AP4S1: variants seen among roughly 807,000 people sequenced by gnomAD.
The protein encoded by AP4S1 is AP-4 complex subunit sigma-1.
A neutral mutation model predicts 19.8 loss-of-function variants in AP4S1; 23 were observed. That is an observed-to-expected ratio of 1.16 (90% confidence interval 0.84 to 1.65). The LOEUF is 1.65. Ranked by LOEUF, AP4S1 falls within the 40% of genes most tolerant of loss-of-function variation. The pLI, the probability that AP4S1 is intolerant of heterozygous loss-of-function variation, is 0.00. For synonymous variants in AP4S1, 46 were observed against 54.1 expected, an observed-to-expected ratio of 0.85 and a Z score of 0.66; for missense variants, 166 against 172.8, an observed-to-expected ratio of 0.96 and a Z score of 0.22.
rs191875127 is a variant in AP4S1 at position 31,048,600 on chromosome 14, G to T, written c.-71-17526G>T. Among the ~76,000 whole-genome samples, 356 of 152,094 alleles carry T rather than the reference G, an allele frequency of 2.3e-3. 3 individuals are homozygous for T. The highest frequency in any genetic ancestry group is 8.2e-3 in the African/African-American group (341 of 41,502). ...CCAAAAATACAAAAATTAGCTGGGC[G>T]TGGTGGCACATTCCCGTAATCCCAG... On this transcript the variant is annotated intron_variant, in intron 1 of 5. Transcript: ENST00000542754.
chr14:31,025,921 C>G (rs1388650505), intron 1 of AP4S1, 134 bp downstream of exon 1: 2 of 1,601,208 alleles, frequency 1.2e-6, no homozygotes, highest in South Asian at 1.1e-5. Flanking sequence ...TCGGCCCGTT[C>G]CACCTCCCAG....
chr14:31,090,684 T>G (rs1888053478), intron 5 of AP4S1, among the ~76,000 whole-genome samples: 1 of 152,242 alleles, frequency 6.6e-6, no homozygotes, highest in South Asian at 2.1e-4. Context: ...AGGGTATTTT[T>G]TGGTCCCTGC....
chr14:31,033,472 A>G (rs1023028061), intron 1 of AP4S1, among the ~76,000 whole-genome samples: 1 of 152,174 alleles, frequency 6.6e-6, no homozygotes, highest in Admixed American at 6.5e-5. Context: ...TCAGCCTCCC[A>G]AAGTGCTGGG....
intron 1 of AP4S1, among the ~76,000 whole-genome samples, chr14:31,042,424 C>CT (rs1745953099): frequency 6.6e-6 from 1 of 152,118 alleles, no homozygotes; most frequent in Non-Finnish European, 1.5e-5. Flanking sequence ...CACTTTATAT[C>CT]TTTTTAAACT....
rs963132192 is a variant in AP4S1, at chr14:31,096,001, C to T, written c.*2966C>T. 6.8e-6 allele frequency: 1 copy of T among 146,944 alleles called. No homozygotes were observed. The highest frequency in any genetic ancestry group is 1.5e-5 in the Non-Finnish European group (1 of 67,366). 9.1% of individuals were successfully genotyped at this position (146,944 alleles called of 1,614,324 possible). ...TTGGGAGGCTGTGGTAGGAGGATCA[C>T]TTGAACCCAGGAGACAGAGGTTGCA... is the stretch of plus-strand genomic sequence containing the variant. On this transcript the variant is annotated 3_prime_UTR_variant, in exon 6 of 6. Coordinates refer to ENST00000542754, the MANE Select transcript of AP4S1 (RefSeq NM_001128126.3).
intron 1 of AP4S1, among the ~76,000 whole-genome samples, chr14:31,033,450 G>A (rs1884531418): frequency 6.6e-6 from 1 of 151,962 alleles, no homozygotes; most frequent in South Asian, 2.1e-4. Context: ...CTGACCTTGT[G>A]ATCCACCCGC....
chr14:31,080,482 G>C (rs1223602084), intron 4 of AP4S1, 91 bp from the exon 5 acceptor site: 7 of 1,088,684 alleles, frequency 6.4e-6, no homozygotes, highest in Non-Finnish European at 9.8e-6. Flanking sequence ...CCGCTGCTAT[G>C]GACGCAGAAG....
intron 1 of AP4S1, among the ~76,000 whole-genome samples, chr14:31,036,373 G>A (rs925473946): frequency 2.6e-5 from 4 of 151,830 alleles, no homozygotes; most frequent in South Asian, 2.1e-4. Flanking sequence ...GTGAGCCACC[G>A]TACCTGGCCC....
At chr14:31,087,618 GTGT>G (rs1183665312) in intron 5 of AP4S1, among the ~76,000 whole-genome samples, 1 of 152,208 alleles carries the variant, frequency 6.6e-6, no homozygotes, top group Non-Finnish European at 1.5e-5. Context: ...GCCTCCCAAA[GTGT>G]TGGGATTACA....
chr14:31,045,998 C>T (rs1885380407), intron 1 of AP4S1, among the ~76,000 whole-genome samples: 1 of 146,410 alleles, frequency 6.8e-6, no homozygotes, highest in Non-Finnish European at 1.5e-5. Flanking sequence ...CGGAGTTTCA[C>T]TCTTGTTGCC....
chr14:31,083,479 T>C (rs1440820440), intron 5 of AP4S1: 1 of 448,398 alleles, frequency 2.2e-6, no homozygotes, highest in Non-Finnish European at 4.4e-6. Flanking sequence ...ATGTGGCACC[T>C]CTTTTCTGTT....
intron 5 of AP4S1, among the ~76,000 whole-genome samples, chr14:31,082,985 A>G (rs1394155550): frequency 6.6e-6 from 1 of 152,214 alleles, no homozygotes; most frequent in Non-Finnish European, 1.5e-5. Flanking sequence ...GAGCTGAGTT[A>G]CCTTACATCT....
chr14:31,037,006 GT>G (rs1267605054), intron 1 of AP4S1, among the ~76,000 whole-genome samples: 3 of 150,982 alleles, frequency 2.0e-5, no homozygotes, highest in African/African-American at 4.9e-5. Flanking sequence ...TAGAGACAGG[GT>G]TTCACCATCT....
At chr14:31,044,169 T>C (rs558914090) in intron 1 of AP4S1, among the ~76,000 whole-genome samples, 3 of 152,218 alleles carry the variant, frequency 2.0e-5, no homozygotes, top group Non-Finnish European at 4.4e-5. Context: ...CAAGTAACAA[T>C]ATAGAATAAA....
intron 1 of AP4S1, among the ~76,000 whole-genome samples, chr14:31,052,919 A>T (rs1306138990): frequency 6.6e-6 from 1 of 151,210 alleles, no homozygotes; most frequent in Non-Finnish European, 1.5e-5. Flanking sequence ...GAAAGGAAAG[A>T]AGTCAGTGTG....
intron 1 of AP4S1, among the ~76,000 whole-genome samples, chr14:31,057,695 G>A (rs1473943448): frequency 7.9e-5 from 12 of 151,324 alleles, no homozygotes; most frequent in Admixed American, 6.6e-4. Flanking sequence ...GTGCAGTCTC[G>A]GCTTACTGCA....
chr14:31,092,866 TA>T, intron 5 of AP4S1, 40 bp from the exon 6 acceptor site: 1 of 1,430,254 alleles, frequency 7.0e-7, no homozygotes, highest in Non-Finnish European at 9.4e-7. Context: ...TGAATGTTAA[TA>T]ATTTTTAACT....
At chr14:31,049,426 AAAATATAT>A (rs1262791958) in intron 1 of AP4S1, among the ~76,000 whole-genome samples, 130 of 42,994 alleles carry the variant, frequency 3.0e-3, no homozygotes, top group Middle Eastern at 0.014. Flanking sequence ...AAAAAAAAAA[AAAATATAT>A]ATATATATAT....
At chr14:31,041,400 C>A (rs1165648544) in intron 1 of AP4S1, among the ~76,000 whole-genome samples, 2 of 152,130 alleles carry the variant, frequency 1.3e-5, no homozygotes, top group Non-Finnish European at 2.9e-5. Flanking sequence ...CCGCCTGCCT[C>A]GGCCTCCCAA....
Sources: allele counts gnomAD v4.1 joint callset (sites outside exome capture counted in the v4.1 genomes callset), GRCh38; gene constraint gnomAD v4.1.1; transcripts MANE v1.5; gene names NCBI Gene and HGNC (gene_info 2026-07-23, HGNC 2026-07-21).